Variants in ALKBH5 observed in about 807,000 individuals in gnomAD.
The protein encoded by ALKBH5 is RNA demethylase ALKBH5.
Under a neutral mutation model 32.1 loss-of-function variants are expected in ALKBH5, and 2 were observed. The ratio of observed to expected loss-of-function variants is 0.06; its 90% confidence interval spans 0.03 to 0.20. ALKBH5 has a LOEUF of 0.20. Ranked by LOEUF, ALKBH5 falls within the 10% of genes least tolerant of loss-of-function variation. The pLI is 1.00. For synonymous variants in ALKBH5, 300 were observed against 231.7 expected (o/e 1.29, Z -2.68); for missense variants, 352 against 559.5 (o/e 0.63, Z 3.74).
At position 18,184,144 on chromosome 17, in the gene ALKBH5, G is replaced by A. The variant is rs1457229858; in HGVS notation, c.-100G>A. The A allele has an allele frequency of 6.4e-6, 7 of 1,101,724 alleles. No homozygotes were observed. Among genetic ancestry groups the A allele is most frequent in the African/African-American group, 1.7e-5 (1 of 60,498 alleles). 68.2% of individuals were successfully genotyped at this position (1,101,724 alleles called of 1,614,324 possible). ...CTCACGCATGGGGGTTCGGCGCTAA[G>A]GACCCCCCTCCCTCCGGGGGCCCCG... On this transcript the variant is annotated 5_prime_UTR_variant, in exon 1 of 4. Coordinates refer to ENST00000399138, the MANE Select transcript of ALKBH5 (RefSeq NM_017758.4).
At chr17:18,188,023 G>A (rs965220727) in intron 1 of ALKBH5, among the ~76,000 whole-genome samples, 5 of 152,206 alleles carry the variant, frequency 3.3e-5, no homozygotes, top group African/African-American at 1.2e-4. Context: ...TTAGAACAAG[G>A]CCTCACAGAA....
At chr17:18,190,781 T>A (rs1161358259) in intron 1 of ALKBH5, among the ~76,000 whole-genome samples, 1 of 152,072 alleles carries the variant, frequency 6.6e-6, no homozygotes, top group Non-Finnish European at 1.5e-5. Context: ...CCAGATGGAA[T>A]AGCAAAGAGG....
chr17:18,202,016 GTAAT>G (rs1276558717), intron 2 of ALKBH5, among the ~76,000 whole-genome samples: 1 of 151,712 alleles, frequency 6.6e-6, no homozygotes. Context: ...TTCAAAGAAA[GTAAT>G]TAATTGGCCG....
chr17:18,190,845 G>T (rs2047170108), intron 1 of ALKBH5, among the ~76,000 whole-genome samples: 2 of 152,164 alleles, frequency 1.3e-5, no homozygotes. Context: ...GGCAGTCAGG[G>T]AAAGGCCCCC....
intron 2 of ALKBH5, 87 bp from the exon 3 acceptor site, chr17:18,206,728 C>G (rs1276495651): frequency 3.4e-6 from 5 of 1,484,006 alleles, no homozygotes; most frequent in Non-Finnish European, 4.6e-6. Context: ...AGCTGGCTCC[C>G]ACTTGGCCTG....
chr17:18,186,173 C>T (rs2047137947), intron 1 of ALKBH5, among the ~76,000 whole-genome samples: 1 of 152,178 alleles, frequency 6.6e-6, no homozygotes, highest in Admixed American at 6.5e-5. Flanking sequence ...CCAAGACGTC[C>T]TGGTGGGAAG....
chr17:18,186,687 C>G (rs950537357), intron 1 of ALKBH5, among the ~76,000 whole-genome samples: 1 of 152,186 alleles, frequency 6.6e-6, no homozygotes, highest in Non-Finnish European at 1.5e-5. Flanking sequence ...CAGGAAAATT[C>G]TCTTCATCTT....
At chr17:18,186,013 A>G (rs767352173) in intron 1 of ALKBH5, among the ~76,000 whole-genome samples, 2 of 152,216 alleles carry the variant, frequency 1.3e-5, no homozygotes, top group Non-Finnish European at 2.9e-5. Context: ...TGAGCAGCCC[A>G]GGTTCTGAAG....
rs1204724192 is a variant in ALKBH5 at position 18,183,946 on chromosome 17, C to A, written c.-298C>A. ...CCGAGGGTCTGGTCGGGAGTCGGGC[C>A]GCGTCTCCGCAGCAGCCCTCCGCGG... On this transcript the variant is annotated 5_prime_UTR_variant, in exon 1 of 4. Coordinates refer to ENST00000399138, the MANE Select transcript of ALKBH5 (RefSeq NM_017758.4). The A allele has an allele frequency of 1.7e-6, 1 of 595,818 alleles. No individual in the cohort carries two copies. The highest frequency in any genetic ancestry group is 1.9e-5 in the African/African-American group (1 of 51,934). The allele number at this position is 595,818 out of a possible 1,614,324, so 36.9% of individuals were successfully genotyped here. A position where few individuals can be genotyped will look rare whatever the true frequency, so the allele number is the denominator to read the frequency against.
chr17:18,194,467 ATATTCAAACACAACTG>A (rs1392841570), intron 1 of ALKBH5, among the ~76,000 whole-genome samples: 3 of 152,154 alleles, frequency 2.0e-5, no homozygotes, highest in Non-Finnish European at 4.4e-5. Flanking sequence ...AATTCTTAAA[ATATTCAAACACAACTG>A]TCTTCAAAAT....
rs2047123385 is a variant in ALKBH5 at position 18,184,366 on chromosome 17, AGCCGCAGCCGCCGCT to A, written c.129_143del (p.Ala44_Ala48del). On this transcript the variant is annotated inframe_deletion, in exon 1 of 4. Coordinates refer to ENST00000399138, the MANE Select transcript of ALKBH5 (RefSeq NM_017758.4). ...CTGCCGCAGCCGCCGTAGCCGCCGC[AGCCGCAGCCGCCGCT>A]GCCGCCGAACCTTACCCTGTGTCCG... 4.0e-6 allele frequency: 6 copies of A among 1,516,096 alleles called. No homozygotes were observed. The highest frequency in any genetic ancestry group is 2.3e-5 in the Admixed American group (1 of 43,496). The allele number at this position is 1,516,096 out of a possible 1,614,324, so 93.9% of individuals were successfully genotyped here.
At chr17:18,188,273 G>C (rs2047151669) in intron 1 of ALKBH5, among the ~76,000 whole-genome samples, 1 of 152,230 alleles carries the variant, frequency 6.6e-6, no homozygotes, top group South Asian at 2.1e-4. Flanking sequence ...TTGCTTACTT[G>C]CTGCTATCTT....
At chr17:18,194,328 AT>A (rs977605341) in intron 1 of ALKBH5, among the ~76,000 whole-genome samples, 2 of 151,886 alleles carry the variant, frequency 1.3e-5, no homozygotes, top group Admixed American at 6.6e-5. Context: ...TAATTTTTGT[AT>A]TTTTAGTAGA....
At chr17:18,195,113 C>T in intron 2 of ALKBH5, 78 bp downstream of exon 2, 1 of 1,236,908 alleles carries the variant, frequency 8.1e-7, no homozygotes, top group South Asian at 1.3e-5. Context: ...ACTTAGAACT[C>T]AGCTCCTATG....
At chr17:18,205,633 C>T (rs963358974) in intron 2 of ALKBH5, among the ~76,000 whole-genome samples, 2 of 152,200 alleles carry the variant, frequency 1.3e-5, no homozygotes, top group Non-Finnish European at 2.9e-5. Context: ...TGACTTACTG[C>T]CTTTCTGATC....
intron 2 of ALKBH5, among the ~76,000 whole-genome samples, chr17:18,199,008 C>T (rs1370712584): frequency 6.7e-6 from 1 of 149,908 alleles, no homozygotes; most frequent in Admixed American, 6.6e-5. Context: ...CCTGCCCTTT[C>T]CCCCAGTGTG....
At chr17:18,203,071 T>TAAAAA (rs771396075) in intron 2 of ALKBH5, among the ~76,000 whole-genome samples, 1 of 133,504 alleles carries the variant, frequency 7.5e-6, no homozygotes. Flanking sequence ...GATTGTCTTT[T>TAAAAA]AAAAAAAAAA....
intron 1 of ALKBH5, among the ~76,000 whole-genome samples, chr17:18,189,872 C>T (rs749250103): frequency 3.9e-5 from 6 of 152,188 alleles, no homozygotes; most frequent in Non-Finnish European, 7.3e-5. Context: ...TGGGACTTGG[C>T]AGGTTGACCT....
At chr17:18,192,794 A>G (rs2142474820) in intron 1 of ALKBH5, among the ~76,000 whole-genome samples, 1 of 152,160 alleles carries the variant, frequency 6.6e-6, no homozygotes, top group Non-Finnish European at 1.5e-5. Context: ...ATGCTTTTTG[A>G]AACTCTAATC....
Sources: gnomAD v4.1 joint callset for allele counts (sites outside exome capture counted in the v4.1 genomes callset) on GRCh38, gnomAD v4.1.1 for gene constraint, MANE v1.5 for transcripts, NCBI Gene and HGNC (gene_info 2026-07-23, HGNC 2026-07-21) for gene names.